The following NBPF6 variants were observed in gnomAD, a reference collection of about 807,000 sequenced individuals.
The protein encoded by NBPF6 is NBPF member 6, also known as NBPF family member NBPF6.
A neutral mutation model predicts 20.8 loss-of-function variants in NBPF6; 2 were observed. The ratio of observed to expected loss-of-function variants is 0.10; its 90% CI spans 0.04 to 0.30. NBPF6 has a LOEUF of 0.30. Ranked by LOEUF, NBPF6 falls within the 10% of genes least tolerant of loss-of-function variation. The pLI is 1.00. For missense variants in NBPF6, 85 were observed against 260.3 expected, an observed-to-expected ratio of 0.33 and a Z score of 4.63; for synonymous variants, 24 against 100.0, an observed-to-expected ratio of 0.24 and a Z score of 4.53.
At position 108,452,990 on chromosome 1, in the gene NBPF6, G is replaced by GTC. The variant is rs1190791611; in HGVS notation, c.279-190_279-189insCT. 4.8e-5 allele frequency among the ~76,000 whole-genome samples: 3 copies of GTC among 62,614 alleles called. 1 individual carries two copies. Among genetic ancestry groups the GTC allele is most frequent in the Non-Finnish European group, 1.2e-4 (3 of 25,494 alleles). The allele number at this position is 62,614 out of a possible 152,430, so 41.1% of individuals were successfully genotyped here. A position where few individuals can be genotyped will look rare whatever the true frequency, so the allele number is the denominator to read the frequency against. On this transcript the variant is annotated intron_variant, in intron 3 of 14. Transcript: ENST00000495380. ...TGTGTGTATGTTTGTTTGTGTGTGT[G>GTC]TGTGTGTGTGTGTGTGTGTATATAT...
chr1:108,448,101 G>A (rs1388092013), upstream of NBPF6, among the ~76,000 whole-genome samples: 2 of 141,286 alleles, frequency 1.4e-5, no homozygotes, highest in African/African-American at 5.1e-5. Flanking sequence ...AGCGTGTGAT[G>A]AGTGTGACCA....
At chr1:108,452,806 A>T (rs1178444908) in intron 3 of NBPF6, among the ~76,000 whole-genome samples, 15 of 75,784 alleles carry the variant, frequency 2.0e-4, no homozygotes, top group African/African-American at 5.8e-4. Context: ...TCACATAGAG[A>T]TGCCCATGGC....
rs528617176 is a variant in NBPF6, at chr1:108,471,841, G to A, written c.*1203G>A. Among the ~76,000 whole-genome samples, 496 of 152,096 alleles carry A rather than the reference G, an allele frequency of 3.3e-3. 2 individuals carry two copies. Among genetic ancestry groups the A allele is most frequent in the African/African-American group, 0.011 (475 of 41,480 alleles). On this transcript the variant is annotated 3_prime_UTR_variant, in exon 15 of 15. Coordinates refer to ENST00000495380, the MANE Select transcript of NBPF6 (RefSeq NM_001143988.2). ...GAATTTTTCACATACAATGTTTTAA[G>A]CTTTTATTTTATTATTGGTTTTCAT...
At chr1:108,452,674 T>C (rs1403357588) in intron 3 of NBPF6, among the ~76,000 whole-genome samples, 1,763 of 63,484 alleles carry the variant, frequency 0.028, no homozygotes, top group Middle Eastern at 0.088. Flanking sequence ...TCAATCAATA[T>C]TGCCTTCTTA....
the NBPF6 span, among the ~76,000 whole-genome samples, chr1:108,441,728 A>G: frequency 1.5e-5 from 1 of 64,882 alleles, no homozygotes; most frequent in Non-Finnish European, 3.1e-5. Flanking sequence ...ACATTCTCCC[A>G]AGATTGAACC....
intron 14 of NBPF6, among the ~76,000 whole-genome samples, chr1:108,470,052 T>G (rs1203391732): frequency 1.3e-5 from 1 of 79,442 alleles, no homozygotes; most frequent in Non-Finnish European, 2.4e-5. Flanking sequence ...TAGTTCCATC[T>G]TACCCCTGTG....
rs1276133156 is a variant in NBPF6, at chr1:108,470,759, A to G, written c.*121A>G. ...CTGAGGATTGAATTTCAGACACAGA[A>G]TACTCTTGATGACTTCAAGCCACTA... On this transcript the variant is annotated 3_prime_UTR_variant, in exon 15 of 15. Transcript: ENST00000495380. 1.4e-6 allele frequency: 1 copy of G among 691,078 alleles called. No homozygotes were observed. Among genetic ancestry groups the G allele is most frequent in the Non-Finnish European group, 2.4e-6 (1 of 416,324 alleles). 42.8% of individuals were successfully genotyped at this position (691,078 alleles called of 1,614,324 possible). A position where few individuals can be genotyped will look rare whatever the true frequency, so the allele number is the denominator to read the frequency against.
upstream of NBPF6, among the ~76,000 whole-genome samples, chr1:108,449,090 C>T (rs1652730757): frequency 1.2e-4 from 3 of 25,180 alleles, 1 homozygote; most frequent in African/African-American, 2.0e-4. Flanking sequence ...TCCAGTCCTC[C>T]TCCTTCACTT....
At position 108,470,853 on chromosome 1, in the gene NBPF6, GC is replaced by G; in HGVS notation, c.*218del. On this transcript the variant is annotated 3_prime_UTR_variant, in exon 15 of 15. Transcript: ENST00000495380. Reference sequence around the variant, plus strand: ...GTGATCAACACCTAGGGAGACCAATGCCCAGATGGACAAATAGCATTGACTG... The same window carrying G: ...GTGATCAACACCTAGGGAGACCAATGCCAGATGGACAAATAGCATTGACTG... 2.3e-6 allele frequency: 1 copy of G among 427,768 alleles called. No homozygotes were observed. The highest frequency in any genetic ancestry group is 4.3e-6 in the Non-Finnish European group (1 of 231,084). 26.5% of individuals were successfully genotyped at this position (427,768 alleles called of 1,614,324 possible).
the NBPF6 span, among the ~76,000 whole-genome samples, chr1:108,442,133 ATATGT>A: frequency 3.6e-3 from 348 of 95,734 alleles, 4 homozygotes; most frequent in African/African-American, 0.013. Context: ...TTGGTTCAAC[ATATGT>A]TATGTGATTC....
the NBPF6 span, among the ~76,000 whole-genome samples, chr1:108,435,929 C>A: frequency 1.0e-5 from 1 of 95,470 alleles, no homozygotes; most frequent in South Asian, 3.2e-4. Context: ...AAAATCAATT[C>A]TATTTTATGT....
chr1:108,428,249 G>T, the NBPF6 span, among the ~76,000 whole-genome samples: 2 of 20,566 alleles, frequency 9.7e-5, no homozygotes, highest in African/African-American at 8.0e-5. Context: ...TCCTAGATTT[G>T]TTGATTTTTT....
At chr1:108,467,826 CT>C in intron 14 of NBPF6, among the ~76,000 whole-genome samples, 161 bp downstream of exon 14, 1 of 151,228 alleles carries the variant, frequency 6.6e-6, no homozygotes, top group East Asian at 1.9e-4. Flanking sequence ...CCCACCCTGA[CT>C]GGCCCCTTCT....
At chr1:108,470,462 G>A (rs1255315030) in intron 14 of NBPF6, 135 bp from the exon 15 acceptor site, 1 of 800,448 alleles carries the variant, frequency 1.2e-6, no homozygotes, top group Non-Finnish European at 2.0e-6. Flanking sequence ...GACAGCCCAG[G>A]ACTCACCCTC....
intron 14 of NBPF6, 86 bp from the exon 15 acceptor site, chr1:108,470,511 A>G: frequency 9.1e-7 from 1 of 1,098,234 alleles, no homozygotes; most frequent in Non-Finnish European, 1.3e-6. Context: ...GTGAGATATC[A>G]CTGCTTAGCA....
Position 108,470,625 on chromosome 1 carries a change from G to C in NBPF6, c.1904G>C (p.Arg635Thr). 4 of 1,557,390 alleles carry C rather than the reference G, an allele frequency of 2.6e-6. No individual in the cohort carries two copies. The highest frequency in any genetic ancestry group is 3.5e-6 in the Non-Finnish European group (4 of 1,150,174). Residue 635 changes from arginine (R) to threonine (T), a missense_variant, in exon 15 of 15, where the codon AGG (arginine) becomes ACG (threonine). By Grantham distance (71) the Arg-to-Thr change is moderately conservative. Around this residue, in one of 5 missense-constraint regions of NBPF6, gnomAD observed 31 missense variants for 21.0 expected, o/e 1.48. Transcript: ENST00000495380. ...EIPNTAERMQ[R>T]MIG ...CCAAATACTGCTGAAAGGATGCAAAGGATGATAGGATGAAAGAATGTCACA... is the reference window on the plus strand; with the variant it reads ...CCAAATACTGCTGAAAGGATGCAAACGATGATAGGATGAAAGAATGTCACA...
intron 14 of NBPF6, among the ~76,000 whole-genome samples, 184 bp downstream of exon 14, chr1:108,467,849 C>G (rs1653227128): frequency 6.6e-6 from 1 of 150,870 alleles, no homozygotes; most frequent in African/African-American, 2.5e-5. Flanking sequence ...TACCCATCTT[C>G]TCTTTACTCT....
In NBPF6 at chr1:108,471,371, T is replaced by C. The variant is rs1653464247; in HGVS notation, c.*733T>C. On this transcript the variant is annotated 3_prime_UTR_variant, in exon 15 of 15. Coordinates refer to ENST00000495380, the MANE Select transcript of NBPF6 (RefSeq NM_001143988.2). Reference sequence around the variant, plus strand: ...TTTGCCAGGAACTCTGCAGAGTCCATGCTGTGAGCTTCCTACCTCAGCCCA... The same window carrying C: ...TTTGCCAGGAACTCTGCAGAGTCCACGCTGTGAGCTTCCTACCTCAGCCCA... Among the ~76,000 whole-genome samples the C allele has an allele frequency of 6.6e-6, 1 of 152,196 alleles. No homozygotes were observed. Among genetic ancestry groups the C allele is most frequent in the South Asian group, 2.1e-4 (1 of 4,832 alleles).
rs1031089285 is a variant in NBPF6 at position 108,471,343 on chromosome 1, C to T, written c.*705C>T. Among the ~76,000 whole-genome samples the T allele has an allele frequency of 2.0e-5, 3 of 152,116 alleles. No homozygotes were observed. On this transcript the variant is annotated 3_prime_UTR_variant, in exon 15 of 15. Coordinates refer to ENST00000495380, the MANE Select transcript of NBPF6 (RefSeq NM_001143988.2). ...TCGTCATGATTAAATTCAGCCTAAA[C>T]ATTTTGCCAGGAACTCTGCAGAGTC...
Sources: allele counts gnomAD v4.1 joint callset (sites outside exome capture counted in the v4.1 genomes callset), GRCh38; gene constraint gnomAD v4.1.1; regional missense constraint gnomAD v4.1.1; transcripts MANE v1.5; gene names NCBI Gene and HGNC (gene_info 2026-07-23, HGNC 2026-07-21).